The following BCAT1 variants were observed in gnomAD, a reference collection of about 807,000 sequenced individuals.
BCAT1 encodes branched-chain-amino-acid aminotransferase, cytosolic.
BCAT1 carries 48 observed loss-of-function variants against 52.4 expected under a neutral mutation model. The ratio of observed to expected loss-of-function variants is 0.92; its 90% CI spans 0.73 to 1.16. BCAT1 has a LOEUF of 1.16. Ranked by LOEUF, BCAT1 falls within the 50% of genes most tolerant of loss-of-function variation. BCAT1 has a pLI of 0.00. For missense variants in BCAT1, 451 were observed against 457.1 expected, an observed-to-expected ratio of 0.99 and a Z score of 0.12; for synonymous variants, 167 against 161.3, an observed-to-expected ratio of 1.04 and a Z score of -0.27.
At position 24,814,423 on chromosome 12, in the gene BCAT1, A is replaced by AG. The variant is rs1939797909; in HGVS notation, c.*3584_*3585insC. On this transcript the variant is annotated 3_prime_UTR_variant, in exon 11 of 11. Coordinates refer to ENST00000261192, the MANE Select transcript of BCAT1 (RefSeq NM_005504.7). ...AAACCAAATATGCAACTTGAAAAAA[A>AG]AAAAGGAAACAGAATATAGTGACTG... 1 of 151,722 alleles carries AG rather than the reference A, an allele frequency of 6.6e-6. No homozygotes were observed. The allele number at this position is 151,722 out of a possible 1,614,324, so 9.4% of individuals were successfully genotyped here.
intron 6 of BCAT1, among the ~76,000 whole-genome samples, chr12:24,843,636 G>T (rs1030881546): frequency 2.0e-5 from 3 of 152,106 alleles, no homozygotes; most frequent in African/African-American, 7.2e-5. Context: ...AGAGCCACAT[G>T]TTAGTGTATA....
rs768798204 is a variant in BCAT1 at position 24,849,867 on chromosome 12, G to T, written c.593C>A (p.Thr198Asn). Residue 198 changes from threonine (T) to asparagine (N), a missense_variant, in exon 6 of 11, where the codon ACC becomes AAC. Transcript: ENST00000261192. ...SPVGPYFSSG[T>N]FNPVSLWANP... ...GGCCCACAGGGACACTGGATTAAAG[G>T]TTCCACTTGAAAAATAAGGTCCCAC... 10 of 1,613,810 alleles carry T rather than the reference G, an allele frequency of 6.2e-6. No individual in the cohort carries two copies. Among genetic ancestry groups the T allele is most frequent in the Non-Finnish European group, 7.6e-6 (9 of 1,179,790 alleles).
At chr12:24,932,185 C>T (rs932467153) in intron 1 of BCAT1, among the ~76,000 whole-genome samples, 2 of 152,120 alleles carry the variant, frequency 1.3e-5, no homozygotes, top group African/African-American at 4.8e-5. Flanking sequence ...CTTGACTCAC[C>T]AGTGACTTTT....
At chr12:24,870,572 C>G (rs1289598592) in intron 5 of BCAT1, among the ~76,000 whole-genome samples, 1 of 152,198 alleles carries the variant, frequency 6.6e-6, no homozygotes, top group Non-Finnish European at 1.5e-5. Flanking sequence ...TCTGTGAAAG[C>G]AAGAAGATAG....
intron 3 of BCAT1, among the ~76,000 whole-genome samples, chr12:24,886,920 A>G (rs927244530): frequency 1.3e-5 from 2 of 149,736 alleles, no homozygotes; most frequent in African/African-American, 2.5e-5. Context: ...AAAATTAGCC[A>G]GGCATAGTGG....
At chr12:24,875,258 G>A (rs1169674012) in intron 5 of BCAT1, among the ~76,000 whole-genome samples, 2 of 152,208 alleles carry the variant, frequency 1.3e-5, no homozygotes, top group Admixed American at 6.5e-5. Context: ...CGTAACATCT[G>A]TAGGGGGCAG....
chr12:24,916,568 TC>T (rs1943412392), intron 1 of BCAT1, among the ~76,000 whole-genome samples: 1 of 152,230 alleles, frequency 6.6e-6, no homozygotes, highest in African/African-American at 2.4e-5. Context: ...AGATAGAGTC[TC>T]GCTCTTGTCC....
chr12:24,925,608 C>A (rs1022470115), intron 1 of BCAT1, among the ~76,000 whole-genome samples: 1 of 151,902 alleles, frequency 6.6e-6, no homozygotes, highest in Non-Finnish European at 1.5e-5. Flanking sequence ...TCTCCCTCTC[C>A]CTCTCTTTCC....
chr12:24,831,663 CA>C (rs761298642), intron 9 of BCAT1, among the ~76,000 whole-genome samples: 2 of 152,054 alleles, frequency 1.3e-5, no homozygotes, highest in East Asian at 1.9e-4. Flanking sequence ...AACAAACAAA[CA>C]AAAAAAGTTG....
intron 1 of BCAT1, among the ~76,000 whole-genome samples, chr12:24,930,623 T>G (rs1484303930): frequency 6.6e-6 from 1 of 152,196 alleles, no homozygotes; most frequent in Non-Finnish European, 1.5e-5. Context: ...AATGGGAGAA[T>G]CACTTTTTTA....
At chr12:24,901,465 A>C (rs921325023) in intron 2 of BCAT1, among the ~76,000 whole-genome samples, 4 of 152,262 alleles carry the variant, frequency 2.6e-5, no homozygotes, top group African/African-American at 9.6e-5. Flanking sequence ...GTGCTACTGA[A>C]AGAGAAAAAT....
intron 10 of BCAT1, among the ~76,000 whole-genome samples, chr12:24,820,545 A>G (rs1940072281): frequency 6.6e-6 from 1 of 152,180 alleles, no homozygotes; most frequent in African/African-American, 2.4e-5. Flanking sequence ...TGTCATTGTC[A>G]TTACAAAACA....
Position 24,816,504 on chromosome 12 carries a change from C to T in BCAT1, c.*1504G>A. The T allele has an allele frequency of 2.5e-6, 1 of 397,370 alleles. No homozygotes were observed. The highest frequency in any genetic ancestry group is 4.4e-6 in the Non-Finnish European group (1 of 225,724). The allele number at this position is 397,370 out of a possible 1,614,324, so 24.6% of individuals were successfully genotyped here. A position where few individuals can be genotyped will look rare whatever the true frequency, so the allele number is the denominator to read the frequency against. ...ATAGTAGCTCTCCCTGCATCCTAAC[C>T]ACTTGCTCATCAAATCTCCATTCAA... On this transcript the variant is annotated 3_prime_UTR_variant, in exon 11 of 11. Transcript: ENST00000261192.
chr12:24,868,861 C>A (rs1236165512), intron 5 of BCAT1, among the ~76,000 whole-genome samples: 1 of 152,296 alleles, frequency 6.6e-6, no homozygotes, highest in East Asian at 1.9e-4. Context: ...GACACAGAAG[C>A]TAGCCACAGA....
At chr12:24,839,028 C>T (rs1329709321) in intron 7 of BCAT1, among the ~76,000 whole-genome samples, 2 of 152,118 alleles carry the variant, frequency 1.3e-5, no homozygotes, top group African/African-American at 4.8e-5. Flanking sequence ...TGCTGTTTAC[C>T]GTTTTAAGCT....
In BCAT1 at chr12:24,857,771, A is replaced by G. The variant is rs77534871; in HGVS notation, c.511-7822T>C. 2.0e-4 allele frequency among the ~76,000 whole-genome samples: 31 copies of G among 152,322 alleles called. No individual in the cohort carries two copies. The East Asian group carries it at 5.8e-3, about 28-fold the overall frequency. ...GCATTGCTCTGATTTGCATTGTGTT[A>G]CCTAATGTTTTTTACTTGTAGGGGT... On this transcript the variant is annotated intron_variant, in intron 5 of 10. Transcript: ENST00000261192.
chr12:24,863,398 G>A (rs1941906873), intron 5 of BCAT1, among the ~76,000 whole-genome samples: 1 of 152,112 alleles, frequency 6.6e-6, no homozygotes, highest in African/African-American at 2.4e-5. Flanking sequence ...AATACAAAGA[G>A]CATAAAAATG....
chr12:24,923,839 A>G (rs1417759067), intron 1 of BCAT1, among the ~76,000 whole-genome samples: 3 of 152,242 alleles, frequency 2.0e-5, no homozygotes, highest in Non-Finnish European at 4.4e-5. Context: ...TCTTCAGACC[A>G]CACAGGGCAA....
intron 5 of BCAT1, among the ~76,000 whole-genome samples, chr12:24,855,967 C>T (rs1352788524): frequency 6.6e-6 from 1 of 152,068 alleles, no homozygotes; most frequent in African/African-American, 2.4e-5. Context: ...CTTCCTTAAA[C>T]AATGTGCAAA....
Sources: gnomAD v4.1 joint callset for allele counts (sites outside exome capture counted in the v4.1 genomes callset) on GRCh38, gnomAD v4.1.1 for gene constraint, MANE v1.5 for transcripts, NCBI Gene and HGNC (gene_info 2026-07-23, HGNC 2026-07-21) for gene names.